Variants in PTPN21 observed in about 807,000 individuals in gnomAD.
PTPN21 encodes the protein protein tyrosine phosphatase non-receptor type 21, also known as tyrosine-protein phosphatase non-receptor type 21.
Under a neutral mutation model 131.8 loss-of-function variants are expected in PTPN21, and 77 were observed. The ratio of observed to expected loss-of-function variants is 0.58; its 90% CI spans 0.49 to 0.71. The LOEUF (loss-of-function observed/expected upper bound fraction) is 0.71, where lower values mean the gene tolerates loss of function less well. Ranked by LOEUF, PTPN21 falls within the 30% of genes least tolerant of loss-of-function variation. The pLI is 0.00. For missense variants in PTPN21, 1,552 were observed against 1,527.1 expected (o/e 1.02, Z -0.27); for synonymous variants, 715 against 621.3 (o/e 1.15, Z -2.24).
At chr14:88,470,216 C>G in intron 15 of PTPN21, 166 bp from the exon 16 acceptor site, 1 of 648,166 alleles carries the variant, frequency 1.5e-6, no homozygotes. Context: ...TCATCTTTTC[C>G]CTTGTGAATA....
In PTPN21 at chr14:88,479,299, C is replaced by T; in HGVS notation, c.2132G>A (p.Ser711Asn). 1.2e-6 allele frequency: 2 copies of T among 1,613,420 alleles called. No homozygotes were observed. The highest frequency in any genetic ancestry group is 8.5e-7 in the Non-Finnish European group (1 of 1,179,576). Residue 711 changes from serine (S) to asparagine (N), a missense_variant, in exon 13 of 19, where the codon AGC becomes AAC. This residue lies in a region of PTPN21 where 1,016 missense variants were observed against 883.5 expected (regional missense o/e 1.15). Coordinates refer to ENST00000556564, the MANE Select transcript of PTPN21 (RefSeq NM_007039.4). The stretch of plus-strand genomic sequence containing the variant: ...GAAGTCCTCGTCCTCCTCCTCCTCG[C>T]TGCTGTGGATTAGCATGGTGGCGTC... ...LSDATMLIHS[S>N]EEEEDEDFEE...
At chr14:88,519,222 T>C (rs1208195743) in intron 2 of PTPN21, among the ~76,000 whole-genome samples, 1 of 152,242 alleles carries the variant, frequency 6.6e-6, no homozygotes, top group Non-Finnish European at 1.5e-5. Context: ...AAGCCACTGC[T>C]AATACTTGCC....
intron 2 of PTPN21, among the ~76,000 whole-genome samples, chr14:88,526,428 T>G (rs1331025688): frequency 6.6e-6 from 1 of 151,454 alleles, no homozygotes; most frequent in Non-Finnish European, 1.5e-5. Flanking sequence ...TGTGCACCTG[T>G]AATCTCAGCT....
At chr14:88,520,236 C>G (rs141965880) in intron 2 of PTPN21, among the ~76,000 whole-genome samples, 1 of 152,078 alleles carries the variant, frequency 6.6e-6, no homozygotes, top group Non-Finnish European at 1.5e-5. Context: ...GGCAACATGG[C>G]GAAACACTGT....
At chr14:88,493,265 T>C (rs1315168549) in intron 10 of PTPN21, 2 of 327,480 alleles carry the variant, frequency 6.1e-6, no homozygotes, top group Admixed American at 4.5e-5. Context: ...ATAAAAGAGG[T>C]AGAAAAAACA....
intron 13 of PTPN21, among the ~76,000 whole-genome samples, chr14:88,477,777 T>A (rs1402122037): frequency 6.6e-6 from 1 of 152,100 alleles, no homozygotes; most frequent in Admixed American, 6.5e-5. Flanking sequence ...AGTGGAGATG[T>A]GGGCCAGGAA....
At position 88,469,736 on chromosome 14, in the gene PTPN21, G is replaced by C; in HGVS notation, c.3001-3C>G. 1 of 1,613,768 alleles carries C rather than the reference G, an allele frequency of 6.2e-7. No homozygotes were observed. The highest frequency in any genetic ancestry group is 1.3e-5 in the African/African-American group (1 of 75,028). ...AAGCTCTTCTCCCTTCCACCCTCCTGTTAAAGATGAGCATGGTTAAATGAC... is the reference window on the plus strand; with the variant it reads ...AAGCTCTTCTCCCTTCCACCCTCCTCTTAAAGATGAGCATGGTTAAATGAC... On this transcript the variant is annotated splice_region_variant and splice_polypyrimidine_tract_variant and intron_variant, in intron 16 of 18. Transcript: ENST00000556564. This position sits in a 1 kb window ranked among gnomAD's most constrained non-coding sequence, Gnocchi z 4.3.
chr14:88,538,517 A>G (rs2078660680), intron 2 of PTPN21, among the ~76,000 whole-genome samples: 1 of 152,166 alleles, frequency 6.6e-6, no homozygotes, highest in Non-Finnish European at 1.5e-5. Context: ...GTTCCTTCTC[A>G]TGCTTACCTT....
At position 88,479,254 on chromosome 14, in the gene PTPN21, C is replaced by G. The variant is rs1307280181; in HGVS notation, c.2177G>C (p.Arg726Pro). 2.5e-6 allele frequency: 4 copies of G among 1,611,214 alleles called. No individual in the cohort carries two copies. Among genetic ancestry groups the G allele is most frequent in the African/African-American group, 2.7e-5 (2 of 74,974 alleles). Reference sequence around the variant, plus strand: ...CTCGCGCGCACGTGCAGGAGGCGCCCGGGCCCCGCTCTCCTCCTCGAAGTC... The same window carrying G: ...CTCGCGCGCACGTGCAGGAGGCGCCGGGGCCCCGCTCTCCTCCTCGAAGTC... ...DEDFEEESGA[R>P]APPARAREPR... Residue 726 changes from arginine (R) to proline (P), a missense_variant, in exon 13 of 19, where the codon CGG becomes CCG. This residue lies in a region of PTPN21 where 1,016 missense variants were observed against 883.5 expected (regional missense o/e 1.15). Transcript: ENST00000556564.
At chr14:88,506,606 A>G (rs926406727) in intron 4 of PTPN21, among the ~76,000 whole-genome samples, 38 of 152,120 alleles carry the variant, frequency 2.5e-4, no homozygotes, top group African/African-American at 8.9e-4. Context: ...TGATGTTATT[A>G]CTGCATAATT....
At chr14:88,488,117 C>T (rs2077764942) in intron 10 of PTPN21, among the ~76,000 whole-genome samples, 1 of 152,180 alleles carries the variant, frequency 6.6e-6, no homozygotes, top group Non-Finnish European at 1.5e-5. Flanking sequence ...CTAGCAGAGA[C>T]TCACTGTCTA....
chr14:88,503,370 C>G (rs2078042320), intron 6 of PTPN21, among the ~76,000 whole-genome samples: 1 of 152,156 alleles, frequency 6.6e-6, no homozygotes, highest in Non-Finnish European at 1.5e-5. Flanking sequence ...GTTTCCCCAT[C>G]TGGTAAGATG....
At chr14:88,497,994 G>C (rs1595370818) in intron 8 of PTPN21, among the ~76,000 whole-genome samples, 1 of 151,972 alleles carries the variant, frequency 6.6e-6, no homozygotes, top group South Asian at 2.1e-4. Flanking sequence ...CCAGCTACTT[G>C]GGAGGCTGAG....
At chr14:88,495,907 A>G (rs2077906445) in intron 10 of PTPN21, among the ~76,000 whole-genome samples, 1 of 152,214 alleles carries the variant, frequency 6.6e-6, no homozygotes, top group South Asian at 2.1e-4. Flanking sequence ...ACATACAAGC[A>G]TACACAACTC....
chr14:88,550,350 A>G lies in PTPN21; in HGVS notation c.68T>C (p.Leu23Pro). The G allele has an allele frequency of 6.2e-7, 1 of 1,614,260 alleles. No homozygotes were observed. Among genetic ancestry groups the G allele is most frequent in the Non-Finnish European group, 8.5e-7 (1 of 1,180,042 alleles). The change falls in exon 2 of 19, where the codon CTG becomes CCG. Residue 23 changes from leucine to proline, a missense_variant. Coordinates refer to ENST00000556564, the MANE Select transcript of PTPN21 (RefSeq NM_007039.4). The stretch of plus-strand genomic sequence containing the variant: ...ATTAAGCAGTTGGATCCGGGCAACC[A>G]GGCAACTCTTGCTGGACACCGTGTA... The part of the protein sequence containing the change: ...RRYTVSSKSC[L>P]VARIQLLNNE...
At position 88,480,198 on chromosome 14, in the gene PTPN21, C is replaced by A; in HGVS notation, c.1233G>T (p.Gln411His). 6.2e-7 allele frequency: 1 copy of A among 1,614,120 alleles called. No homozygotes were observed. The highest frequency in any genetic ancestry group is 8.5e-7 in the Non-Finnish European group (1 of 1,179,998). Residue 411 changes from glutamine to histidine, a missense_variant, in exon 13 of 19, where the codon CAG becomes CAT. Physicochemically the swap from Gln to His is conservative, Grantham distance 24. Transcript: ENST00000556564. ...NSLNNPQPYL[Q>H]PSPMSSNPSI... ...TAGGGTTGGACGACATCGGCGAGGG[C>A]TGCAAGTAGGGCTGAGGATTATTTA... is the stretch of plus-strand genomic sequence containing the variant.
chr14:88,537,799 C>T (rs538233821), intron 2 of PTPN21, among the ~76,000 whole-genome samples: 1 of 152,284 alleles, frequency 6.6e-6, no homozygotes, highest in South Asian at 2.1e-4. Context: ...CTTACACAAA[C>T]CTAAATGGTA....
chr14:88,492,112 G>T (rs1328473605), intron 10 of PTPN21, among the ~76,000 whole-genome samples: 1 of 151,782 alleles, frequency 6.6e-6, no homozygotes, highest in Non-Finnish European at 1.5e-5. Context: ...CATGGAAAGG[G>T]ATTATGTTTT....
chr14:88,542,946 T>C (rs1277636892), intron 2 of PTPN21, among the ~76,000 whole-genome samples: 2 of 152,198 alleles, frequency 1.3e-5, no homozygotes, highest in Admixed American at 6.5e-5. Flanking sequence ...AATAACTACT[T>C]GGCCCAAAAG....
Sources: gnomAD v4.1 joint callset for allele counts (sites outside exome capture counted in the v4.1 genomes callset) on GRCh38, gnomAD v4.1.1 for gene constraint, gnomAD v4.1.1 regional missense constraint, Gnocchi (gnomAD v3.1) non-coding constraint, MANE v1.5 for transcripts, NCBI Gene and HGNC (gene_info 2026-07-23, HGNC 2026-07-21) for gene names.